The following SBF2 variants were observed in gnomAD, a reference collection of about 807,000 sequenced individuals.
The protein encoded by SBF2 is SET binding factor 2, also known as myotubularin-related protein 13.
A neutral mutation model predicts 225.2 loss-of-function variants in SBF2; 112 were observed. That is an observed-to-expected ratio of 0.50 (90% confidence interval 0.43 to 0.58). The LOEUF (loss-of-function observed/expected upper bound fraction) is 0.58, where lower values mean the gene tolerates loss of function less well. SBF2 is among the 20% of genes least tolerant of loss of function. SBF2 has a pLI of 0.00. For synonymous variants in SBF2, 763 were observed against 773.3 expected, an observed-to-expected ratio of 0.99 and a Z score of 0.22; for missense variants, 1,996 against 2,206.2, an observed-to-expected ratio of 0.90 and a Z score of 1.91.
intron 6 of SBF2, among the ~76,000 whole-genome samples, chr11:10,021,601 C>T (rs1948859676): frequency 6.6e-6 from 1 of 152,046 alleles, no homozygotes; most frequent in South Asian, 2.1e-4. Flanking sequence ...CTGTGAAAAA[C>T]AAATTCATTA....
At chr11:10,040,451 A>T (rs187996462) in intron 3 of SBF2, among the ~76,000 whole-genome samples, 51 of 152,124 alleles carry the variant, frequency 3.4e-4, no homozygotes, top group African/African-American at 1.2e-3. Flanking sequence ...ATTATTTAAA[A>T]ATGTCAACAT....
chr11:9,834,720 T>C (rs1855628442), intron 26 of SBF2, among the ~76,000 whole-genome samples: 1 of 152,226 alleles, frequency 6.6e-6, no homozygotes, highest in South Asian at 2.1e-4. Flanking sequence ...GGCAGTTCCA[T>C]AATTAGGACC....
chr11:10,171,834 T>A (rs1956201755), intron 2 of SBF2, among the ~76,000 whole-genome samples: 1 of 152,170 alleles, frequency 6.6e-6, no homozygotes, highest in Non-Finnish European at 1.5e-5. Flanking sequence ...TTGTTATTGG[T>A]CTGTTCAGGT....
chr11:9,912,263 G>T (rs1403522213), intron 16 of SBF2, among the ~76,000 whole-genome samples: 4 of 135,686 alleles, frequency 2.9e-5, no homozygotes, highest in African/African-American at 1.1e-4. Flanking sequence ...AGTGAGCCGA[G>T]ATCACTCCAC....
chr11:10,179,362 CAAACAA>C, intron 2 of SBF2, among the ~76,000 whole-genome samples: 1 of 147,232 alleles, frequency 6.8e-6, no homozygotes, highest in Non-Finnish European at 1.5e-5. Context: ...AATTAAAAAA[CAAACAA>C]AAAACAAAAA....
intron 21 of SBF2, among the ~76,000 whole-genome samples, chr11:9,851,397 T>C (rs1401762150): frequency 6.6e-6 from 1 of 152,200 alleles, no homozygotes; most frequent in African/African-American, 2.4e-5. Flanking sequence ...ACATTATTAC[T>C]TTTGAAATTA....
At chr11:9,833,694 A>G (rs1855552817) in intron 26 of SBF2, among the ~76,000 whole-genome samples, 2 of 151,834 alleles carry the variant, frequency 1.3e-5, no homozygotes, top group Admixed American at 1.3e-4. Context: ...TGCTGGGATT[A>G]CAGGCATGAG....
At chr11:10,254,226 A>T (rs11042691) in intron 1 of SBF2, among the ~76,000 whole-genome samples, 3,250 of 152,134 alleles carry the variant, frequency 0.021, 91 homozygotes, top group African/African-American at 0.064. Flanking sequence ...CTCTACAAAA[A>T]ATAACAATAT....
intron 16 of SBF2, among the ~76,000 whole-genome samples, chr11:9,934,651 CAT>C (rs1275924659): frequency 4.6e-5 from 7 of 152,184 alleles, no homozygotes; most frequent in Non-Finnish European, 8.8e-5. Flanking sequence ...GCTGGTTCAA[CAT>C]ACGCAAATCA....
rs1401261407 is a variant in SBF2 at position 10,177,186 on chromosome 11, G to A, written c.141+16716C>T. Among the ~76,000 whole-genome samples, 4 of 151,844 alleles carry A rather than the reference G, an allele frequency of 2.6e-5. No homozygotes were observed. In the East Asian group the frequency reaches 7.7e-4, roughly 29 times the overall value. ...TCAATAAATTAGGTATTGATGGGAC[G>A]TATCTCAAAATAATAAGAGCTATCT... is the stretch of plus-strand genomic sequence containing the variant. On this transcript the variant is annotated intron_variant, in intron 2 of 39. Transcript: ENST00000256190.
intron 16 of SBF2, among the ~76,000 whole-genome samples, chr11:9,903,133 AAC>A (rs1861857355): frequency 6.6e-6 from 1 of 152,064 alleles, no homozygotes; most frequent in African/African-American, 2.4e-5. Context: ...CATCCTGGCT[AAC>A]ACAGTGAAAC....
chr11:10,140,476 C>T (rs1031889631), intron 2 of SBF2, among the ~76,000 whole-genome samples: 2 of 152,192 alleles, frequency 1.3e-5, no homozygotes, highest in Admixed American at 6.5e-5. Context: ...CATGGAGGTT[C>T]TGAGAGGTGG....
At chr11:9,959,453 T>A in intron 16 of SBF2, 2 of 1,046,178 alleles carry the variant, frequency 1.9e-6, no homozygotes, top group Non-Finnish European at 3.0e-6. Flanking sequence ...ATGTCCCTTA[T>A]CCGTTTACAG....
intron 2 of SBF2, among the ~76,000 whole-genome samples, chr11:10,140,577 A>G (rs1954597145): frequency 6.6e-6 from 1 of 152,154 alleles, no homozygotes; most frequent in Admixed American, 6.5e-5. Flanking sequence ...GTTGTATTCT[A>G]TATAATAAAC....
At chr11:9,869,365 C>G (rs1446837159) in intron 17 of SBF2, among the ~76,000 whole-genome samples, 1 of 152,066 alleles carries the variant, frequency 6.6e-6, no homozygotes, top group African/African-American at 2.4e-5. Flanking sequence ...GTTACCCAGG[C>G]TGGAGTGCAG....
In SBF2 at chr11:9,949,974, T is replaced by C. The variant is rs374933961; in HGVS notation, c.1860+11983A>G. Among the ~76,000 whole-genome samples, 73 of 152,228 alleles carry C rather than the reference T, an allele frequency of 4.8e-4. 2 individuals are homozygous for C. Among genetic ancestry groups the C allele is most frequent in the African/African-American group, 1.7e-3 (69 of 41,562 alleles). ...AAAACATCATGTTGCACATGATAAA[T>C]ATACAACTTTATCTGTCAATTAAAA... On this transcript the variant is annotated intron_variant, in intron 16 of 39. Coordinates refer to ENST00000256190, the MANE Select transcript of SBF2 (RefSeq NM_030962.4).
intron 16 of SBF2, among the ~76,000 whole-genome samples, chr11:9,899,585 G>A (rs918426555): frequency 2.6e-5 from 4 of 151,044 alleles, no homozygotes; most frequent in Admixed American, 6.6e-5. Context: ...CTAGATGAAC[G>A]GTGAGATTTT....
chr11:10,172,425 C>T (rs960155774), intron 2 of SBF2, among the ~76,000 whole-genome samples: 2 of 152,054 alleles, frequency 1.3e-5, no homozygotes, highest in African/African-American at 4.8e-5. Flanking sequence ...CATCTCAGCT[C>T]ACTGCAACCT....
intron 2 of SBF2, among the ~76,000 whole-genome samples, chr11:10,068,336 T>G (rs575320514): frequency 1.3e-5 from 2 of 152,236 alleles, no homozygotes; most frequent in Admixed American, 6.5e-5. Flanking sequence ...CTTTTCTGTT[T>G]GAATCCAAGG....
Sources: allele counts gnomAD v4.1 joint callset (sites outside exome capture counted in the v4.1 genomes callset), GRCh38; gene constraint gnomAD v4.1.1; transcripts MANE v1.5; gene names NCBI Gene and HGNC (gene_info 2026-07-23, HGNC 2026-07-21).